VRK1: variants seen among roughly 807,000 people sequenced by gnomAD.
VRK1 encodes serine/threonine-protein kinase VRK1.
VRK1 carries 33 observed loss-of-function variants against 57.1 expected under a neutral mutation model. That is an observed-to-expected ratio of 0.58 (90% CI 0.44 to 0.77). The LOEUF (loss-of-function observed/expected upper bound fraction) is 0.77, where lower values mean the gene tolerates loss of function less well. Ranked by LOEUF, VRK1 falls within the 30% of genes least tolerant of loss-of-function variation. The pLI is 0.00. For missense variants in VRK1, 413 were observed against 477.3 expected, an observed-to-expected ratio of 0.87 and a Z score of 1.25; for synonymous variants, 137 against 147.8, an observed-to-expected ratio of 0.93 and a Z score of 0.53.
rs1456911273 is a variant in VRK1 at position 96,857,555 on chromosome 14, G to A, written c.889+969G>A. On this transcript the variant is annotated intron_variant, in intron 10 of 12. Transcript: ENST00000216639. ...TGACATGAACTGCTTATCCTGAGGG[G>A]AAGGGTCTCCTGCTTCTGGCATGGG... Among the ~76,000 whole-genome samples the A allele has an allele frequency of 2.0e-5, 3 of 152,150 alleles. 1 individual carries two copies.
intron 1 of VRK1, among the ~76,000 whole-genome samples, chr14:96,828,313 G>A (rs192085107): frequency 2.6e-5 from 4 of 152,298 alleles, no homozygotes; most frequent in African/African-American, 9.6e-5. Flanking sequence ...GATCGAAACA[G>A]TATACAGTGT....
intron 1 of VRK1, among the ~76,000 whole-genome samples, chr14:96,812,733 G>A (rs1386656269): frequency 1.3e-5 from 2 of 151,810 alleles, no homozygotes; most frequent in South Asian, 2.1e-4. Flanking sequence ...GGGTTTTCAA[G>A]CCCTTTTATG....
chr14:96,880,795 AGGAG>A (rs1889231040), intron 12 of VRK1, among the ~76,000 whole-genome samples: 1 of 152,190 alleles, frequency 6.6e-6, no homozygotes, highest in Non-Finnish European at 1.5e-5. Context: ...CTTCCACCTT[AGGAG>A]TGAATGCTTA....
rs1566683621 is a variant in VRK1 at position 96,808,019 on chromosome 14, G to GTCTCTCTCTCTC, written c.-6+10573_-6+10574insCTCTCTCTCTCT. 8.3e-3 allele frequency among the ~76,000 whole-genome samples: 284 copies of GTCTCTCTCTCTC among 34,214 alleles called. 3 individuals are homozygous for GTCTCTCTCTCTC. Among genetic ancestry groups the GTCTCTCTCTCTC allele is most frequent in the African/African-American group, 0.019 (263 of 13,634 alleles). The allele number at this position is 34,214 out of a possible 152,430, so 22.4% of individuals were successfully genotyped here. A position where few individuals can be genotyped will look rare whatever the true frequency, so the allele number is the denominator to read the frequency against. On this transcript the variant is annotated intron_variant, in intron 1 of 12. Coordinates refer to ENST00000216639, the MANE Select transcript of VRK1 (RefSeq NM_003384.3). ...CCTCTCTCCCTCTCTCTCTCCCTCT[G>GTCTCTCTCTCTC]TGTGTGTGTGTGTGTGTGTGTGTGT...
In VRK1 at chr14:96,876,064, C is replaced by T. The variant is rs1470768259; in HGVS notation, c.1103C>T (p.Pro368Leu). The change falls in exon 12 of 13, where the codon CCT becomes CTT. Residue 368 changes from proline (P) to leucine (L), a missense_variant. This residue lies in a region of VRK1 where 146 missense variants were observed against 138.2 expected (regional missense o/e 1.06). Coordinates refer to ENST00000216639, the MANE Select transcript of VRK1 (RefSeq NM_003384.3). ...RKKEIEESKE[P>L]GVEDTEWSNT... ...AAAGAAATTGAAGAAAGCAAGGAAC[C>T]TGGTGTTGAAGATACGGAATGGTCA... 3 of 1,613,512 alleles carry T rather than the reference C, an allele frequency of 1.9e-6. No homozygotes were observed. The highest frequency in any genetic ancestry group is 1.3e-5 in the African/African-American group (1 of 74,970).
At chr14:96,870,237 C>G (rs1358972814) in intron 11 of VRK1, among the ~76,000 whole-genome samples, 1 of 151,970 alleles carries the variant, frequency 6.6e-6, no homozygotes, top group African/African-American at 2.4e-5. Context: ...TCAGAAGAGG[C>G]CAGGTGACTT....
At chr14:96,821,038 T>G (rs1489979614) in intron 1 of VRK1, among the ~76,000 whole-genome samples, 2 of 152,212 alleles carry the variant, frequency 1.3e-5, no homozygotes, top group Non-Finnish European at 2.9e-5. Context: ...TAAATACTTT[T>G]ATTAAAGGCT....
chr14:96,860,432 A>G, intron 10 of VRK1, 125 bp from the exon 11 acceptor site: 1 of 907,582 alleles, frequency 1.1e-6, no homozygotes, highest in Non-Finnish European at 1.6e-6. Context: ...AAGTGATTGA[A>G]AAAAATAGGT....
chr14:96,812,925 C>T (rs1168897071), intron 1 of VRK1, among the ~76,000 whole-genome samples: 1 of 152,176 alleles, frequency 6.6e-6, no homozygotes, highest in Non-Finnish European at 1.5e-5. Context: ...TGACTTTAAT[C>T]CTAGCCTTTC....
chr14:96,836,179 A>AT (rs1887204742), intron 2 of VRK1, among the ~76,000 whole-genome samples: 1 of 152,002 alleles, frequency 6.6e-6, no homozygotes, highest in Admixed American at 6.6e-5. Context: ...CCTTTGAAAA[A>AT]TTTTTAGTAG....
intron 2 of VRK1, 23 bp from the exon 3 acceptor site, chr14:96,837,739 A>G: frequency 6.6e-7 from 1 of 1,509,536 alleles, no homozygotes; most frequent in Non-Finnish European, 9.0e-7. Context: ...TTCTGATATC[A>G]AATATTTTAC....
rs117846600 is a variant in VRK1, at chr14:96,806,441, T to C, written c.-6+8994T>C. ...CAAACCTGTTCAGACATTGTCCTGATACTTGTGGAATATGTGCTTGTTCAT... is the reference window on the plus strand; with the variant it reads ...CAAACCTGTTCAGACATTGTCCTGACACTTGTGGAATATGTGCTTGTTCAT... On this transcript the variant is annotated intron_variant, in intron 1 of 12. Transcript: ENST00000216639. Among the ~76,000 whole-genome samples the C allele has an allele frequency of 2.3e-3, 343 of 152,338 alleles. 1 individual carries two copies. The highest frequency in any genetic ancestry group is 3.7e-3 in the Non-Finnish European group (252 of 68,016).
intron 12 of VRK1, among the ~76,000 whole-genome samples, chr14:96,876,791 A>C (rs1367896116): frequency 4.9e-4 from 69 of 141,020 alleles, no homozygotes; most frequent in East Asian, 1.8e-3. Flanking sequence ...AAAAAAAAAA[A>C]CACAAAAAAA....
At chr14:96,841,360 G>T (rs768047700) in intron 3 of VRK1, among the ~76,000 whole-genome samples, 1 of 152,094 alleles carries the variant, frequency 6.6e-6, no homozygotes, top group African/African-American at 2.4e-5. Context: ...TTAAGGTAAT[G>T]AATTATATTT....
chr14:96,864,462 T>G (rs1024534116), intron 11 of VRK1, among the ~76,000 whole-genome samples: 8 of 152,216 alleles, frequency 5.3e-5, no homozygotes, highest in African/African-American at 1.9e-4. Context: ...AAAAATTTGT[T>G]GTTTTTCATT....
chr14:96,880,882 T>G (rs1889233861), intron 12 of VRK1, among the ~76,000 whole-genome samples: 1 of 152,172 alleles, frequency 6.6e-6, no homozygotes, highest in Non-Finnish European at 1.5e-5. Context: ...TGGAGAGAAA[T>G]ATTTCAGTAT....
Position 96,881,388 on chromosome 14 carries a change from C to G in VRK1, c.*180C>G. 3.4e-6 allele frequency: 2 copies of G among 581,562 alleles called. No homozygotes were observed. Among genetic ancestry groups the G allele is most frequent in the Non-Finnish European group, 2.9e-6 (1 of 342,988 alleles). The allele number at this position is 581,562 out of a possible 1,614,324, so 36.0% of individuals were successfully genotyped here. ...AATATTTTGTACAATTCATTAAAGGCTAATTTATGAAATTTGAAAATCTTC... is the reference window on the plus strand; with the variant it reads ...AATATTTTGTACAATTCATTAAAGGGTAATTTATGAAATTTGAAAATCTTC... On this transcript the variant is annotated 3_prime_UTR_variant, in exon 13 of 13. Coordinates refer to ENST00000216639, the MANE Select transcript of VRK1 (RefSeq NM_003384.3).
chr14:96,856,646 G>C, intron 10 of VRK1, 60 bp downstream of exon 10: 1 of 1,398,942 alleles, frequency 7.1e-7, no homozygotes, highest in Non-Finnish European at 1.0e-6. Context: ...AAAAAGGCAT[G>C]ATATCCATGG....
chr14:96,872,513 A>G lies in VRK1; in HGVS notation c.1069-3517A>G, dbSNP rs530940710. On this transcript the variant is annotated intron_variant, in intron 11 of 12. Transcript: ENST00000216639. The stretch of plus-strand genomic sequence containing the variant: ...ACACAAATGTGTGTACTATAATATA[A>G]CTCTGGAAAAAAATACATTAAGAAC... Among the ~76,000 whole-genome samples, 16 of 152,290 alleles carry G rather than the reference A, an allele frequency of 1.1e-4. No homozygotes were observed. In the Middle Eastern group the frequency reaches 0.014, roughly 129 times the overall value.
Sources: allele counts gnomAD v4.1 joint callset (sites outside exome capture counted in the v4.1 genomes callset), GRCh38; gene constraint gnomAD v4.1.1; regional missense constraint gnomAD v4.1.1; transcripts MANE v1.5; gene names NCBI Gene and HGNC (gene_info 2026-07-23, HGNC 2026-07-21).